Variants in ZNF726 observed in about 807,000 individuals in gnomAD.
ZNF726 encodes zinc finger protein 726.
Under a neutral mutation model 11.6 loss-of-function variants are expected in ZNF726, and 15 were observed. That is an observed-to-expected ratio of 1.29 (90% CI 0.86 to 1.99). The LOEUF (loss-of-function observed/expected upper bound fraction) is 1.99, where lower values mean the gene tolerates loss of function less well. ZNF726 is among the 30% of genes most tolerant of loss of function. ZNF726 has a pLI of 0.00. For missense variants in ZNF726, 890 were observed against 725.6 expected (o/e 1.23, Z -2.60); for synonymous variants, 295 against 243.6 (o/e 1.21, Z -1.96).
At chr19:23,919,749 A>G (rs956252178) in intron 2 of ZNF726, 1 of 480,320 alleles carries the variant, frequency 2.1e-6, no homozygotes. Context: ...AAATATTGTT[A>G]TTCACACCTT....
At chr19:23,923,641 GC>G (rs1967911203) in intron 3 of ZNF726, 1 of 170,654 alleles carries the variant, frequency 5.9e-6, no homozygotes, top group African/African-American at 2.4e-5. Flanking sequence ...CTCGTGATCT[GC>G]CCGCCTCGGC....
At chr19:23,937,269 G>A (rs1362822352), downstream of ZNF726, among the ~76,000 whole-genome samples, 1 of 151,698 alleles carries the variant, frequency 6.6e-6, no homozygotes, top group African/African-American at 2.4e-5. Flanking sequence ...CGGGGCGGCT[G>A]GCCGGGCGGG....
chr19:23,944,452 G>A (rs746149926), intron 4 of ZNF726: 6 of 152,708 alleles, frequency 3.9e-5, no homozygotes, highest in Non-Finnish European at 7.3e-5. Context: ...TTGGCTATTT[G>A]CATGTCTTTA....
chr19:23,915,172 C>G (rs1967666110), intron 1 of ZNF726, among the ~76,000 whole-genome samples, 175 bp downstream of exon 1: 2 of 152,166 alleles, frequency 1.3e-5, no homozygotes, highest in Non-Finnish European at 2.9e-5. Flanking sequence ...GCGCTGACAG[C>G]CGGGCTCCCG....
Position 23,943,518 on chromosome 19 carries a change from TG to T in ZNF726, c.252del (p.Ile85SerfsTer7). The stretch of plus-strand genomic sequence containing the variant: ...GGCCTTGCTGTCTCTAACCCTGATC[TG>T]ATCTCCTGCCTTGAGCAAATAAAAG... On this transcript the variant is annotated frameshift_variant, in exon 4 of 5. Coordinates refer to the ZNF726 transcript ENST00000334589. LOFTEE classifies it high-confidence loss of function. The T allele has an allele frequency of 4.5e-6, 3 of 667,288 alleles. No individual in the cohort carries two copies. Among genetic ancestry groups the T allele is most frequent in the South Asian group, 1.6e-5 (1 of 61,058 alleles). 41.3% of individuals were successfully genotyped at this position (667,288 alleles called of 1,614,324 possible).
downstream of ZNF726, among the ~76,000 whole-genome samples, chr19:23,937,748 C>T (rs570516516): frequency 3.3e-4 from 51 of 152,282 alleles, 1 homozygote; most frequent in South Asian, 0.01. Flanking sequence ...GGGGTGGTGG[C>T]CGGGCAGAGG....
intron 3 of ZNF726, among the ~76,000 whole-genome samples, chr19:23,931,245 T>G (rs1436660015): frequency 1.3e-5 from 2 of 152,246 alleles, no homozygotes; most frequent in African/African-American, 2.4e-5. Context: ...GTGCCGGGAT[T>G]ACAGGCATGA....
intron 3 of ZNF726, among the ~76,000 whole-genome samples, chr19:23,929,600 A>G (rs1019269067): frequency 3.9e-5 from 6 of 152,218 alleles, no homozygotes; most frequent in African/African-American, 9.6e-5. Context: ...GGAATTAAAG[A>G]TGAGTCTTGG....
At chr19:23,944,060 G>A (rs1013204685) in intron 4 of ZNF726, 4 of 152,176 alleles carry the variant, frequency 2.6e-5, no homozygotes, top group Non-Finnish European at 4.4e-5. Context: ...TTTAATATTA[G>A]CAATCCTAAC....
intron 1 of ZNF726, among the ~76,000 whole-genome samples, chr19:23,918,478 C>G (rs928064979): frequency 6.6e-6 from 1 of 152,134 alleles, no homozygotes; most frequent in Non-Finnish European, 1.5e-5. Context: ...GTATCTTGGA[C>G]TTTCCATAAA....
At chr19:23,936,708 CTTT>C (rs60242417), downstream of ZNF726, among the ~76,000 whole-genome samples, 91 of 146,690 alleles carry the variant, frequency 6.2e-4, no homozygotes, top group Middle Eastern at 0.011. Flanking sequence ...GAAAGAAAAA[CTTT>C]TTTTTTTTCA....
At chr19:23,923,467 A>G (rs1338748374) in intron 3 of ZNF726, 1 of 346,358 alleles carries the variant, frequency 2.9e-6, no homozygotes, top group Admixed American at 4.1e-5. Context: ...GCTGGAGTGC[A>G]GTGGCGTGAT....
At chr19:23,932,244 A>T in intron 3 of ZNF726, 99 bp from the exon 4 acceptor site, 1 of 999,878 alleles carries the variant, frequency 1.0e-6, no homozygotes. Context: ...TTGCAAAACC[A>T]TCTTGTTTTT....
chr19:23,937,433 C>T (rs370163716), downstream of ZNF726, among the ~76,000 whole-genome samples: 1,290 of 147,822 alleles, frequency 8.7e-3, 70 homozygotes, highest in East Asian at 0.16. Flanking sequence ...TCAGACGGGG[C>T]GGTTGCCAGG....
chr19:23,926,661 G>C (rs541067155), intron 3 of ZNF726, among the ~76,000 whole-genome samples: 1 of 150,452 alleles, frequency 6.6e-6, no homozygotes, highest in Non-Finnish European at 1.5e-5. Context: ...TCATTTTATC[G>C]TTATGGATGT....
downstream of ZNF726, among the ~76,000 whole-genome samples, chr19:23,938,214 T>C (rs1968278388): frequency 6.6e-6 from 1 of 152,220 alleles, no homozygotes; most frequent in South Asian, 2.1e-4. Flanking sequence ...TTTATTTTTC[T>C]TAATTTTTGT....
In ZNF726 at chr19:23,929,179, A is replaced by G. The variant is rs192670594; in HGVS notation, c.227-3164A>G. The G allele has an allele frequency of 1.1e-4, 16 of 151,994 alleles. No individual in the cohort carries two copies. The East Asian group carries it at 3.1e-3, about 29-fold the overall frequency. The allele number at this position is 151,994 out of a possible 1,614,324, so 9.4% of individuals were successfully genotyped here. A position where few individuals can be genotyped will look rare whatever the true frequency, so the allele number is the denominator to read the frequency against. On this transcript the variant is annotated intron_variant, in intron 3 of 3. Coordinates refer to ENST00000594466, the MANE Select transcript of ZNF726 (RefSeq NM_001244038.2). ...TATGTGTTCCTCAGTGGTATTTTTT[A>G]TATGTTGGTTTATTGCCTTAAATTT...
In ZNF726 at chr19:23,914,981, CT is replaced by C. The variant is rs777226602; in HGVS notation, c.-13del. On this transcript the variant is annotated 5_prime_UTR_variant, in exon 1 of 4. Transcript: ENST00000594466. ...CCTCTGTGGCCCTGTGACCTGCCCC[CT>C]GGAAGCCTAGAAATGGTGAGAGTGC... 1.2e-4 allele frequency: 201 copies of C among 1,613,616 alleles called. No homozygotes were observed. Among genetic ancestry groups the C allele is most frequent in the African/African-American group, 1.5e-4 (11 of 74,938 alleles).
intron 3 of ZNF726, among the ~76,000 whole-genome samples, chr19:23,931,830 A>C (rs1267295710): frequency 6.6e-6 from 1 of 152,124 alleles, no homozygotes; most frequent in Non-Finnish European, 1.5e-5. Context: ...CGGCTGCTGG[A>C]ACATTTCTCT....
Sources: gnomAD v4.1 joint callset for allele counts (sites outside exome capture counted in the v4.1 genomes callset) on GRCh38, gnomAD v4.1.1 for gene constraint, MANE v1.5 for transcripts, NCBI Gene and HGNC (gene_info 2026-07-23, HGNC 2026-07-21) for gene names.